Variants in MTO1 observed in about 807,000 individuals in gnomAD.
The protein encoded by MTO1 is 5-taurinomethyluridine-[tRNA] synthase subunit MTO1, mitochondrial.
In MTO1, 46 loss-of-function variants were observed where a neutral mutation model predicts 71.6. The observed-to-expected ratio is 0.64, with a 90% confidence interval of 0.51 to 0.82. The LOEUF (loss-of-function observed/expected upper bound fraction) is 0.82, where lower values mean the gene tolerates loss of function less well. MTO1 is among the 40% of genes least tolerant of loss of function. The pLI, the probability that MTO1 is intolerant of heterozygous loss-of-function variation, is 0.00. For missense variants in MTO1, 773 were observed against 867.5 expected (o/e 0.89, Z 1.37); for synonymous variants, 297 against 312.1 (o/e 0.95, Z 0.51).
At chr6:73,482,902 C>A (rs578197819) in intron 9 of MTO1, among the ~76,000 whole-genome samples, 2 of 150,350 alleles carry the variant, frequency 1.3e-5, no homozygotes, top group East Asian at 2.0e-4. Context: ...CGCCATTCTC[C>A]TGCCTCAGCC....
intron 3 of MTO1, 108 bp from the exon 4 acceptor site, chr6:73,473,257 G>A (rs1164796769): frequency 3.6e-5 from 43 of 1,209,586 alleles, no homozygotes; most frequent in Non-Finnish European, 4.4e-5. Context: ...CCAGCCTGGC[G>A]ATAGAGTGAG....
rs1278836671 is a variant in MTO1 at position 73,501,365 on chromosome 6, C to T, written c.*630C>T. On this transcript the variant is annotated 3_prime_UTR_variant, in exon 12 of 12. Transcript: ENST00000498286. The stretch of plus-strand genomic sequence containing the variant: ...AATCACCATTGTTTCCTATTATCCA[C>T]AGTGTGGATGGATACTTATTTGGTG... 6.6e-6 allele frequency: 1 copy of T among 152,158 alleles called. No homozygotes were observed. Among genetic ancestry groups the T allele is most frequent in the East Asian group, 1.9e-4 (1 of 5,200 alleles). 9.4% of individuals were successfully genotyped at this position (152,158 alleles called of 1,614,324 possible).
At chr6:73,481,923 TA>T in intron 7 of MTO1, 116 bp from the exon 8 acceptor site, 1 of 1,046,840 alleles carries the variant, frequency 9.6e-7, no homozygotes, top group Admixed American at 1.9e-5. Flanking sequence ...TTATATCCCT[TA>T]GGGGCAATAC....
intron 3 of MTO1, among the ~76,000 whole-genome samples, chr6:73,469,586 C>T (rs1771091512): frequency 6.6e-6 from 1 of 151,894 alleles, no homozygotes; most frequent in Non-Finnish European, 1.5e-5. Context: ...CGTGCCACTG[C>T]ACTCCAGCCT....
rs1016785421 is a variant in MTO1, at chr6:73,501,158, G to A, written c.*423G>A. On this transcript the variant is annotated 3_prime_UTR_variant, in exon 12 of 12. Transcript: ENST00000498286. Reference sequence around the variant, plus strand: ...TACTAGGCTAGGAAGCAATATCAAAGCCCTTAAATTCTCAAGACTAAAGAC... The same window carrying A: ...TACTAGGCTAGGAAGCAATATCAAAACCCTTAAATTCTCAAGACTAAAGAC... 6.5e-6 allele frequency: 1 copy of A among 152,806 alleles called. No individual in the cohort carries two copies. Among genetic ancestry groups the A allele is most frequent in the African/African-American group, 2.4e-5 (1 of 41,472 alleles). 9.5% of individuals were successfully genotyped at this position (152,806 alleles called of 1,614,324 possible). A position where few individuals can be genotyped will look rare whatever the true frequency, so the allele number is the denominator to read the frequency against.
At chr6:73,484,850 G>A (rs1771606347) in intron 9 of MTO1, among the ~76,000 whole-genome samples, 1 of 151,902 alleles carries the variant, frequency 6.6e-6, no homozygotes, top group South Asian at 2.1e-4. Context: ...GAGGCCAGAA[G>A]TCAAGACCAG....
chr6:73,489,046 T>C (rs1010671466), intron 9 of MTO1, among the ~76,000 whole-genome samples: 8 of 152,370 alleles, frequency 5.3e-5, no homozygotes, highest in Non-Finnish European at 2.9e-5. Context: ...TTTTCCTGTA[T>C]GTTTTCTTCT....
In MTO1 at chr6:73,481,956, C is replaced by A. The variant is rs1458381207; in HGVS notation, c.1261-84C>A. 4.2e-6 allele frequency: 6 copies of A among 1,434,946 alleles called. No homozygotes were observed. The East Asian group carries it at 1.4e-4, about 33-fold the overall frequency. The allele number at this position is 1,434,946 out of a possible 1,614,324, so 88.9% of individuals were successfully genotyped here. A position where few individuals can be genotyped will look rare whatever the true frequency, so the allele number is the denominator to read the frequency against. ...ATACTTGCTTTCTTCCTGTCCCATGCCATTGTTTCTGAGTAGTGTTCTGAA... is the reference window on the plus strand; with the variant it reads ...ATACTTGCTTTCTTCCTGTCCCATGACATTGTTTCTGAGTAGTGTTCTGAA... On this transcript the variant is annotated intron_variant, in intron 7 of 11. Transcript: ENST00000498286.
Position 73,507,915 on chromosome 6 carries a change from TGCAATGA to T in MTO1, c.*7183_*7189del. On this transcript the variant is annotated 3_prime_UTR_variant, in exon 12 of 12. Coordinates refer to ENST00000498286, the MANE Select transcript of MTO1 (RefSeq NM_012123.4). ...TGGCGTGAAGCCAGGAGGCGGAGCT[TGCAATGA>T]GCCGAGATCGCGCCACTGCACTCTA... 6.8e-6 allele frequency: 1 copy of T among 146,856 alleles called. No homozygotes were observed. The highest frequency in any genetic ancestry group is 2.0e-4 in the East Asian group (1 of 4,988). 9.1% of individuals were successfully genotyped at this position (146,856 alleles called of 1,614,324 possible).
chr6:73,463,744 T>G (rs1305784887), intron 1 of MTO1, among the ~76,000 whole-genome samples: 2 of 152,088 alleles, frequency 1.3e-5, no homozygotes, highest in African/African-American at 2.4e-5. Flanking sequence ...TTTCTTTTCT[T>G]TTCTTTCATT....
At chr6:73,464,187 TAATAA>T (rs1286071920) in intron 1 of MTO1, 5 of 152,158 alleles carry the variant, frequency 3.3e-5, no homozygotes, top group African/African-American at 7.2e-5. Flanking sequence ...TAAAAAATAA[TAATAA>T]AATAAAGACC....
chr6:73,491,201 A>G lies in MTO1; in HGVS notation c.1638-1033A>G, dbSNP rs142411171. Among the ~76,000 whole-genome samples, 381 of 152,240 alleles carry G rather than the reference A, an allele frequency of 2.5e-3. 2 individuals carry two copies. Among genetic ancestry groups the G allele is most frequent in the Non-Finnish European group, 3.4e-3 (234 of 68,012 alleles). On this transcript the variant is annotated intron_variant, in intron 9 of 11. Transcript: ENST00000498286. ...ATCCAGAGTGGGTAGTAGAAGCAGA[A>G]TTGAGAAGTGACTATCAAAAATTTC...
At position 73,482,137 on chromosome 6, in the gene MTO1, A is replaced by G. The variant is rs1771517249; in HGVS notation, c.1358A>G (p.Asp453Gly). 2 of 1,613,976 alleles carry G rather than the reference A, an allele frequency of 1.2e-6. No homozygotes were observed. Among genetic ancestry groups the G allele is most frequent in the Non-Finnish European group, 1.7e-6 (2 of 1,179,990 alleles). Residue 453 changes from aspartate to glycine, a missense_variant, in exon 8 of 12, where the codon GAC becomes GGC. Coordinates refer to ENST00000498286, the MANE Select transcript of MTO1 (RefSeq NM_012123.4). ...TEGYIGVLID[D>G]LTTLGTSEPY... Reference sequence around the variant, plus strand: ...GGTTACATAGGAGTCTTGATTGATGACCTCACTACTCTGGGCACCAGTGAA... The same window carrying G: ...GGTTACATAGGAGTCTTGATTGATGGCCTCACTACTCTGGGCACCAGTGAA...
intron 9 of MTO1, among the ~76,000 whole-genome samples, chr6:73,490,072 C>A (rs1346647970): frequency 6.6e-6 from 1 of 152,148 alleles, no homozygotes; most frequent in Non-Finnish European, 1.5e-5. Flanking sequence ...TGCCTGTTGG[C>A]TGCGTAAATG....
In MTO1 at chr6:73,482,789, C is replaced by CTTTT. The variant is rs35121302; in HGVS notation, c.1637+188_1637+191dup. Among the ~76,000 whole-genome samples, 752 of 92,082 alleles carry CTTTT rather than the reference C, an allele frequency of 8.2e-3. 3 individuals are homozygous for CTTTT. Among genetic ancestry groups the CTTTT allele is most frequent in the Middle Eastern group, 0.01 (1 of 98 alleles). The allele number at this position is 92,082 out of a possible 152,430, so 60.4% of individuals were successfully genotyped here. ...TAGCTGTAACTCATCTTTTTTCTTTCTTTTTTTTTTTTTTTTTTTTTTGAG... is the reference window on the plus strand; with the variant it reads ...TAGCTGTAACTCATCTTTTTTCTTTCTTTTTTTTTTTTTTTTTTTTTTTTTTGAG... On this transcript the variant is annotated intron_variant, in intron 9 of 11. Coordinates refer to ENST00000498286, the MANE Select transcript of MTO1 (RefSeq NM_012123.4).
chr6:73,507,640 ATT>A lies in MTO1; in HGVS notation c.*6909_*6910del, dbSNP rs781684014. 6.6e-6 allele frequency: 1 copy of A among 152,180 alleles called. No homozygotes were observed. The highest frequency in any genetic ancestry group is 1.5e-5 in the Non-Finnish European group (1 of 68,032). 9.4% of individuals were successfully genotyped at this position (152,180 alleles called of 1,614,324 possible). The stretch of plus-strand genomic sequence containing the variant: ...AACACCTTTCTGCCACTTTCAGTGG[ATT>A]TTTCCCTCCTAGGGACCAGAGGTCC... On this transcript the variant is annotated 3_prime_UTR_variant, in exon 12 of 12. Coordinates refer to ENST00000498286, the MANE Select transcript of MTO1 (RefSeq NM_012123.4).
intron 3 of MTO1, chr6:73,471,418 T>C (rs1039480650): frequency 2.2e-6 from 1 of 451,492 alleles, no homozygotes; most frequent in African/African-American, 2.0e-5. Context: ...TTAAATTGTT[T>C]ATTTTTTTAT....
chr6:73,493,147 A>T (rs1338511891), intron 10 of MTO1, among the ~76,000 whole-genome samples: 1 of 151,122 alleles, frequency 6.6e-6, no homozygotes, highest in East Asian at 2.0e-4. Context: ...GGCATGCACC[A>T]CCACGCCTGG....
chr6:73,473,450 G>T lies in MTO1; in HGVS notation c.621G>T (p.Thr207=), dbSNP rs763650850. ...LRGMIVIGLE[T]HPAGRLGDQP... ...GCATGATTGTAATTGGATTGGAGAC[G>T]CATCCAGCAGGACGTTTAGGGGATC... is the stretch of plus-strand genomic sequence containing the variant. Residue 207 remains threonine, a synonymous_variant, in exon 4 of 12, where the codon ACG becomes ACT. Transcript: ENST00000498286. The T allele has an allele frequency of 1.9e-6, 3 of 1,614,064 alleles. No homozygotes were observed. The highest frequency in any genetic ancestry group is 2.5e-6 in the Non-Finnish European group (3 of 1,179,976).
Sources: allele counts gnomAD v4.1 joint callset (sites outside exome capture counted in the v4.1 genomes callset), GRCh38; gene constraint gnomAD v4.1.1; transcripts MANE v1.5; gene names NCBI Gene and HGNC (gene_info 2026-07-23, HGNC 2026-07-21).